ERI1: variants seen among roughly 807,000 people sequenced by gnomAD.
ERI1 encodes the protein exoribonuclease 1, also known as 3'-5' exoribonuclease 1.
In ERI1, 39 loss-of-function variants were observed where a neutral mutation model predicts 39.7. That is an observed-to-expected ratio of 0.98 (90% CI 0.76 to 1.28). ERI1 has a LOEUF of 1.28. ERI1 is among the 50% of genes most tolerant of loss of function. The pLI, the probability that ERI1 is intolerant of heterozygous loss-of-function variation, is 0.00. For synonymous variants in ERI1, 204 were observed against 149.6 expected, an observed-to-expected ratio of 1.36 and a Z score of -2.65; for missense variants, 581 against 416.9, an observed-to-expected ratio of 1.39 and a Z score of -3.43.
chr8:9,017,362 G>A (rs1261371963), intron 4 of ERI1, among the ~76,000 whole-genome samples: 3 of 152,106 alleles, frequency 2.0e-5, no homozygotes, highest in African/African-American at 7.2e-5. Flanking sequence ...TTAGGTCTCT[G>A]ATTTTTTATT....
At chr8:9,027,566 AAAGCCTTTTCCATAT>A (rs1797267165) in intron 6 of ERI1, among the ~76,000 whole-genome samples, 1 of 152,152 alleles carries the variant, frequency 6.6e-6, no homozygotes, top group Non-Finnish European at 1.5e-5. Flanking sequence ...CCATTGTCAT[AAAGCCTTTTCCATAT>A]GTTTTATTCT....
chr8:9,028,063 T>G (rs1433375937), intron 6 of ERI1, among the ~76,000 whole-genome samples: 1 of 152,254 alleles, frequency 6.6e-6, no homozygotes, highest in Non-Finnish European at 1.5e-5. Context: ...TGTCAGGCTT[T>G]TGTATCAAAG....
chr8:9,071,958 T>C (rs1799066865), intron 3 of ERI1, among the ~76,000 whole-genome samples: 1 of 152,088 alleles, frequency 6.6e-6, no homozygotes, highest in South Asian at 2.1e-4. Flanking sequence ...CCCGCCTATT[T>C]GGGAGGCTGA....
chr8:9,034,767 A>T (rs1347353185), downstream of ERI1, among the ~76,000 whole-genome samples: 1 of 152,042 alleles, frequency 6.6e-6, no homozygotes, highest in Non-Finnish European at 1.5e-5. Context: ...AGAAATGATT[A>T]ATCTTAAAGA....
intron 3 of ERI1, among the ~76,000 whole-genome samples, chr8:9,043,430 G>C (rs1798084869): frequency 6.6e-6 from 1 of 152,154 alleles, no homozygotes; most frequent in African/African-American, 2.4e-5. Context: ...GCATGTAGAG[G>C]CCAGGCCTAA....
chr8:9,014,453 C>A (rs1817015077), intron 3 of ERI1, among the ~76,000 whole-genome samples: 1 of 152,180 alleles, frequency 6.6e-6, no homozygotes, highest in African/African-American at 2.4e-5. Flanking sequence ...AGGGAGTCTC[C>A]TACTTTATCT....
chr8:9,070,482 T>C (rs1455931190), intron 3 of ERI1, among the ~76,000 whole-genome samples: 1 of 152,142 alleles, frequency 6.6e-6, no homozygotes, highest in African/African-American at 2.4e-5. Context: ...AATAAGACCT[T>C]GTCTCAAGAA....
intron 3 of ERI1, among the ~76,000 whole-genome samples, chr8:9,013,324 T>TAAAAAAAAAAAAAAA (rs34377572): frequency 7.3e-6 from 1 of 137,478 alleles, no homozygotes. Flanking sequence ...CATTCTCACT[T>TAAAAAAAAAAAAAAA]AAAAAAAAAA....
chr8:9,009,353 A>G (rs1816420798), intron 2 of ERI1, among the ~76,000 whole-genome samples: 2 of 152,078 alleles, frequency 1.3e-5, no homozygotes, highest in East Asian at 1.9e-4. Context: ...AATATTTCTC[A>G]GGAATTCAGA....
At chr8:9,014,775 G>A (rs1817049204) in intron 3 of ERI1, among the ~76,000 whole-genome samples, 1 of 152,166 alleles carries the variant, frequency 6.6e-6, no homozygotes, top group Non-Finnish European at 1.5e-5. Flanking sequence ...CAGTTAAGTG[G>A]AATGTTGCAG....
intron 3 of ERI1, among the ~76,000 whole-genome samples, chr8:9,083,416 T>C (rs140895496): frequency 1.2e-3 from 183 of 152,306 alleles, no homozygotes; most frequent in African/African-American, 4.2e-3. Context: ...TTATCTCCAT[T>C]CTTTTTCTTT....
intron 6 of ERI1, among the ~76,000 whole-genome samples, chr8:9,023,238 T>A (rs981839730): frequency 6.6e-6 from 1 of 152,170 alleles, no homozygotes; most frequent in African/African-American, 2.4e-5. Flanking sequence ...TCATTTGTCC[T>A]GTTGTGTTTC....
chr8:9,056,824 A>T (rs1450077662), intron 3 of ERI1, among the ~76,000 whole-genome samples: 1 of 152,164 alleles, frequency 6.6e-6, no homozygotes, highest in African/African-American at 2.4e-5. Context: ...ACGTGGGAAC[A>T]CTTTCCCCAT....
intron 3 of ERI1, among the ~76,000 whole-genome samples, chr8:9,094,051 C>G (rs965901996): frequency 1.3e-5 from 2 of 151,854 alleles, no homozygotes; most frequent in South Asian, 2.1e-4. Context: ...TCAACTATTA[C>G]TAATAATTGT....
chr8:9,048,937 C>T (rs971192589), intron 3 of ERI1, among the ~76,000 whole-genome samples: 8 of 152,076 alleles, frequency 5.3e-5, no homozygotes, highest in Non-Finnish European at 8.8e-5. Context: ...TGAGCCACCG[C>T]GCTCGGCCAG....
rs1798106401 is a variant in ERI1 at position 9,044,107 on chromosome 8, GT to G, written n.299+23644del. On this transcript the variant is annotated intron_variant and non_coding_transcript_variant, in intron 3 of 3. Coordinates refer to the ERI1 transcript ENST00000518663. The stretch of plus-strand genomic sequence containing the variant: ...TTACAAAACTCTTCATAGGGTTGTT[GT>G]CGGAGTTAAATAGGATATCATCTGA... Among the ~76,000 whole-genome samples the G allele has an allele frequency of 2.6e-5, 4 of 152,172 alleles. No homozygotes were observed. In the South Asian group the frequency reaches 8.3e-4, roughly 31 times the overall value.
intron 3 of ERI1, chr8:9,088,561 A>T (rs543352321): frequency 6.6e-6 from 1 of 152,254 alleles, no homozygotes; most frequent in East Asian, 1.9e-4. Context: ...AACTGCTGGG[A>T]GATTAACAGT....
chr8:9,030,132 C>T lies in ERI1; in HGVS notation c.*98C>T. ...GTCCTGTAGTGCAAACTTTAAGCAC[C>T]TTAAAACATTTAAAATCTTATTACA... On this transcript the variant is annotated 3_prime_UTR_variant, in exon 7 of 7. Coordinates refer to ENST00000250263, the MANE Select transcript of ERI1 (RefSeq NM_153332.4). The T allele has an allele frequency of 6.9e-7, 1 of 1,454,694 alleles. No individual in the cohort carries two copies. The highest frequency in any genetic ancestry group is 1.3e-5 in the South Asian group (1 of 79,670). The allele number at this position is 1,454,694 out of a possible 1,614,324, so 90.1% of individuals were successfully genotyped here.
chr8:9,024,400 CTTTTTTCTCT>C (rs1818249966), intron 6 of ERI1, among the ~76,000 whole-genome samples: 1 of 151,222 alleles, frequency 6.6e-6, no homozygotes, highest in African/African-American at 2.4e-5. Flanking sequence ...CTTTTCTCTT[CTTTTTTCTCT>C]TTTCTTTTCT....
Sources: gnomAD v4.1 joint callset for allele counts (sites outside exome capture counted in the v4.1 genomes callset) on GRCh38, gnomAD v4.1.1 for gene constraint, MANE v1.5 for transcripts, NCBI Gene and HGNC (gene_info 2026-07-23, HGNC 2026-07-21) for gene names.